Variants in KCNQ3 observed in about 807,000 individuals in gnomAD.
KCNQ3 encodes potassium voltage-gated channel subfamily Q member 3, also known as potassium voltage-gated channel subfamily KQT member 3.
In KCNQ3, 30 loss-of-function variants were observed where a neutral mutation model predicts 92.5. The observed-to-expected ratio is 0.32, with a 90% CI of 0.24 to 0.44. The LOEUF (loss-of-function observed/expected upper bound fraction) is 0.44, where lower values mean the gene tolerates loss of function less well. Ranked by LOEUF, KCNQ3 falls within the 20% of genes least tolerant of loss-of-function variation. The probability of loss-of-function intolerance (pLI) is 1.00; values close to 1 mark genes in which losing one functional copy is unlikely to be tolerated. For synonymous variants in KCNQ3, 450 were observed against 468.8 expected (o/e 0.96, Z 0.52); for missense variants, 913 against 1,140.3 (o/e 0.80, Z 2.87).
intron 1 of KCNQ3, among the ~76,000 whole-genome samples, chr8:132,433,597 ATAAAC>A (rs989297232): frequency 1.3e-5 from 2 of 152,244 alleles, no homozygotes; most frequent in Non-Finnish European, 2.9e-5. Flanking sequence ...GATTTTAAAA[ATAAAC>A]TAATAGGCTG....
At chr8:132,352,832 G>T (rs538619273) in intron 1 of KCNQ3, among the ~76,000 whole-genome samples, 78 of 152,120 alleles carry the variant, frequency 5.1e-4, no homozygotes, top group Non-Finnish European at 1.0e-3. Context: ...CTGTCTTTGG[G>T]ACAGTGTGGG....
At position 132,123,083 on chromosome 8, in the gene KCNQ3, T is replaced by A. The variant is rs1824539806; in HGVS notation, c.*6179A>T. 1 of 152,050 alleles carries A rather than the reference T, an allele frequency of 6.6e-6. No homozygotes were observed. The allele number at this position is 152,050 out of a possible 1,614,324, so 9.4% of individuals were successfully genotyped here. ...CTTTGGTAAAACTGGCCACTTTGGG[T>A]CATATAGATCCCAAAAGAAATCATG... On this transcript the variant is annotated 3_prime_UTR_variant, in exon 15 of 15. Coordinates refer to ENST00000388996, the MANE Select transcript of KCNQ3 (RefSeq NM_004519.4).
chr8:132,132,320 G>A, intron 13 of KCNQ3, 56 bp from the exon 14 acceptor site: 2 of 1,443,284 alleles, frequency 1.4e-6, no homozygotes, highest in Admixed American at 1.7e-5. Context: ...GCTATGCAAG[G>A]TAATTTCGGC....
intron 1 of KCNQ3, among the ~76,000 whole-genome samples, chr8:132,431,478 C>G (rs1187207549): frequency 6.6e-6 from 1 of 152,184 alleles, no homozygotes; most frequent in Non-Finnish European, 1.5e-5. Context: ...GGTGATGTCC[C>G]TGAATCTCCT....
intron 1 of KCNQ3, among the ~76,000 whole-genome samples, chr8:132,429,685 A>AC (rs1352710204): frequency 1.3e-5 from 2 of 151,908 alleles, no homozygotes; most frequent in African/African-American, 4.8e-5. Context: ...ACATGGTGAA[A>AC]CCCTGTCTCT....
At position 132,155,138 on chromosome 8, in the gene KCNQ3, C is replaced by T. The variant is rs563464014; in HGVS notation, c.1262+8330G>A. 2.0e-5 allele frequency among the ~76,000 whole-genome samples: 3 copies of T among 152,308 alleles called. No individual in the cohort carries two copies. The South Asian group carries it at 6.2e-4, about 32-fold the overall frequency. ...TCTCTAACATCTCCCTGCCAGCACCCCCGACACTACATTGTTCTTTTCAGC... is the reference window on the plus strand; with the variant it reads ...TCTCTAACATCTCCCTGCCAGCACCTCCGACACTACATTGTTCTTTTCAGC... On this transcript the variant is annotated intron_variant, in intron 9 of 14. Transcript: ENST00000388996.
chr8:132,369,005 C>T (rs1819400150), intron 1 of KCNQ3, among the ~76,000 whole-genome samples: 1 of 152,040 alleles, frequency 6.6e-6, no homozygotes, highest in Admixed American at 6.5e-5. Context: ...AGTTTTTTAA[C>T]TTTGCTTGTT....
intron 1 of KCNQ3, among the ~76,000 whole-genome samples, chr8:132,449,322 C>T (rs1293530106): frequency 6.6e-6 from 1 of 152,016 alleles, no homozygotes. Flanking sequence ...CCACTCCCGA[C>T]CGTGAAACCC....
In KCNQ3 at chr8:132,155,242, G is replaced by A. The variant is rs538763161; in HGVS notation, c.1262+8226C>T. Among the ~76,000 whole-genome samples the A allele has an allele frequency of 3.2e-4, 48 of 152,236 alleles. No homozygotes were observed. The South Asian group carries it at 9.7e-3, about 31-fold the overall frequency. On this transcript the variant is annotated intron_variant, in intron 9 of 14. Transcript: ENST00000388996. ...AGTTACAATTCCCTGAGAATCTTCA[G>A]GGCTGACAAAAAGCAGAGCTCTTAA... is the stretch of plus-strand genomic sequence containing the variant.
chr8:132,427,486 T>G (rs1423644028), intron 1 of KCNQ3, among the ~76,000 whole-genome samples: 16 of 151,994 alleles, frequency 1.1e-4, no homozygotes, highest in Non-Finnish European at 1.8e-4. Flanking sequence ...GCTAATTGTG[T>G]TTTTTTTCTG....
chr8:132,315,576 TC>T (rs1817717549), intron 1 of KCNQ3, among the ~76,000 whole-genome samples: 1 of 152,152 alleles, frequency 6.6e-6, no homozygotes, highest in African/African-American at 2.4e-5. Flanking sequence ...GTGTTTTTTT[TC>T]CACCCCCTCC....
At chr8:132,140,038 G>T in intron 11 of KCNQ3, 38 bp downstream of exon 11, 2 of 1,370,930 alleles carry the variant, frequency 1.5e-6, no homozygotes. Flanking sequence ...TGGAGCGGGG[G>T]AGGCACACAG....
chr8:132,363,377 A>G (rs1003815321), intron 1 of KCNQ3, among the ~76,000 whole-genome samples: 1 of 152,172 alleles, frequency 6.6e-6, no homozygotes, highest in Admixed American at 6.5e-5. Flanking sequence ...TGGTCATTGA[A>G]CACTTAATTC....
chr8:132,287,605 T>C (rs1272032480), intron 1 of KCNQ3, among the ~76,000 whole-genome samples: 1 of 152,250 alleles, frequency 6.6e-6, no homozygotes, highest in Non-Finnish European at 1.5e-5. Flanking sequence ...AATGCACTAC[T>C]GATATTTTAT....
At position 132,123,435 on chromosome 8, in the gene KCNQ3, G is replaced by A. The variant is rs970491959; in HGVS notation, c.*5827C>T. The A allele has an allele frequency of 4.6e-5, 7 of 152,196 alleles. No homozygotes were observed. Among genetic ancestry groups the A allele is most frequent in the Admixed American group, 2.0e-4 (3 of 15,282 alleles). 9.4% of individuals were successfully genotyped at this position (152,196 alleles called of 1,614,324 possible). A position where few individuals can be genotyped will look rare whatever the true frequency, so the allele number is the denominator to read the frequency against. On this transcript the variant is annotated 3_prime_UTR_variant, in exon 15 of 15. Coordinates refer to ENST00000388996, the MANE Select transcript of KCNQ3 (RefSeq NM_004519.4). ...GGAATCTGGGAGAAGGAACATCATCGTCTTTCACAGCATGGAAACATCAAT... is the reference window on the plus strand; with the variant it reads ...GGAATCTGGGAGAAGGAACATCATCATCTTTCACAGCATGGAAACATCAAT...
chr8:132,404,755 A>G (rs1820433647), intron 1 of KCNQ3, among the ~76,000 whole-genome samples: 1 of 152,238 alleles, frequency 6.6e-6, no homozygotes, highest in Non-Finnish European at 1.5e-5. Context: ...TTCTACCAGC[A>G]GACACTCAGG....
At chr8:132,435,169 A>G (rs1821360473) in intron 1 of KCNQ3, among the ~76,000 whole-genome samples, 1 of 152,354 alleles carries the variant, frequency 6.6e-6, no homozygotes, top group East Asian at 1.9e-4. Flanking sequence ...GAGCATGCCC[A>G]GGACCTCCTG....
intron 1 of KCNQ3, among the ~76,000 whole-genome samples, chr8:132,401,113 A>G (rs1820320737): frequency 1.3e-5 from 2 of 152,184 alleles, no homozygotes; most frequent in Non-Finnish European, 2.9e-5. Context: ...CGGCAAATCT[A>G]CATATGAACC....
At chr8:132,204,107 G>A (rs1407637244) in intron 1 of KCNQ3, among the ~76,000 whole-genome samples, 2 of 152,292 alleles carry the variant, frequency 1.3e-5, no homozygotes, top group Non-Finnish European at 2.9e-5. Context: ...TTTTAGAGAC[G>A]TCAAAGTGGG....
Sources: allele counts gnomAD v4.1 joint callset (sites outside exome capture counted in the v4.1 genomes callset), GRCh38; gene constraint gnomAD v4.1.1; transcripts MANE v1.5; gene names NCBI Gene and HGNC (gene_info 2026-07-23, HGNC 2026-07-21).